The following BAHCC1 variants were observed in gnomAD, a reference collection of about 807,000 sequenced individuals.
BAHCC1 encodes the protein BAH and coiled-coil domain-containing protein 1.
Under a neutral mutation model 88.2 loss-of-function variants are expected in BAHCC1, and 43 were observed. The observed-to-expected ratio is 0.49, with a 90% CI of 0.38 to 0.63. BAHCC1 has a LOEUF of 0.63. BAHCC1 is among the 20% of genes least tolerant of loss of function. BAHCC1 has a pLI of 0.00. For synonymous variants in BAHCC1, 1,510 were observed against 745.5 expected (o/e 2.03, Z -16.71); for missense variants, 3,023 against 1,654.8 (o/e 1.83, Z -14.34).
rs1157372415 is a variant in BAHCC1 at position 81,458,168 on chromosome 17, C to T, written c.5045C>T (p.Ala1682Val). The T allele has an allele frequency of 2.8e-6, 2 of 717,936 alleles. No individual in the cohort carries two copies. Among genetic ancestry groups the T allele is most frequent in the Non-Finnish European group, 2.6e-6 (1 of 385,660 alleles). 44.5% of individuals were successfully genotyped at this position (717,936 alleles called of 1,614,324 possible). The change falls in exon 18 of 28, where the codon GCC (alanine) becomes GTC (valine). Residue 1682 changes from alanine to valine, a missense_variant. Ala to Val is a moderately conservative substitution (Grantham distance 64). Transcript: ENST00000675386. Reference sequence around the variant, plus strand: ...CGGCCTCCTCTCCTTCCCACAGGGGCCTGCCGCCTGTCCAGCCCTGAGAGT... The same window carrying T: ...CGGCCTCCTCTCCTTCCCACAGGGGTCTGCCGCCTGTCCAGCCCTGAGAGT... ...KKKERQGLLGACRLSSPESEV... is the reference protein window; with the variant it reads ...KKKERQGLLGVCRLSSPESEV...
rs1842041 is a variant in BAHCC1 at position 81,455,263 on chromosome 17, C to T, written c.4446-4C>T. ...GCCCTGCACCCACCACCCCATGCCC[C>T]CAGGGCGGTGCGGACAAGCCTGGGT... On this transcript the variant is annotated splice_region_variant and splice_polypyrimidine_tract_variant and intron_variant, in intron 14 of 27. Coordinates refer to ENST00000675386, the MANE Select transcript of BAHCC1 (RefSeq NM_001377448.1). 0.36 allele frequency: 258,524 copies of T among 714,476 alleles called. 48,616 individuals are homozygous for T. Among genetic ancestry groups the T allele is most frequent in the Non-Finnish European group, 0.39 (148,433 of 384,874 alleles). The allele number at this position is 714,476 out of a possible 1,614,324, so 44.3% of individuals were successfully genotyped here. A position where few individuals can be genotyped will look rare whatever the true frequency, so the allele number is the denominator to read the frequency against.
chr17:81,441,214 G>A (rs781949799), intron 4 of BAHCC1, among the ~76,000 whole-genome samples: 5 of 152,158 alleles, frequency 3.3e-5, no homozygotes, highest in Admixed American at 1.3e-4. Context: ...AGTGTTTCAC[G>A]GGGACAGAAC....
In BAHCC1 at chr17:81,443,191, G is replaced by A. The variant is rs1555653207; in HGVS notation, c.1842G>A (p.Gln614=). 2.6e-6 allele frequency: 2 copies of A among 779,152 alleles called. No individual in the cohort carries two copies. The highest frequency in any genetic ancestry group is 3.4e-5 in the African/African-American group (2 of 59,160). The allele number at this position is 779,152 out of a possible 1,614,324, so 48.3% of individuals were successfully genotyped here. Residue 614 remains glutamine, a synonymous_variant, in exon 5 of 28, where the codon CAG becomes CAA. Coordinates refer to ENST00000675386, the MANE Select transcript of BAHCC1 (RefSeq NM_001377448.1). ...TGGACCCCTTTGGCAGTGGCCTGCAGCAGGCGGCTCTTCTGCCCCAGGAAC... is the reference window on the plus strand; with the variant it reads ...TGGACCCCTTTGGCAGTGGCCTGCAACAGGCGGCTCTTCTGCCCCAGGAAC... ...AYLDPFGSGL[Q]QAALLPQELP...
At chr17:81,452,324 G>A (rs574342946) in intron 13 of BAHCC1, among the ~76,000 whole-genome samples, 5 of 152,306 alleles carry the variant, frequency 3.3e-5, no homozygotes, top group East Asian at 3.9e-4. Flanking sequence ...GCAGGGCCAG[G>A]GGTCTGTGGA....
At chr17:81,462,371 G>A (rs1023777926) in intron 26 of BAHCC1, among the ~76,000 whole-genome samples, 4 of 152,202 alleles carry the variant, frequency 2.6e-5, no homozygotes, top group East Asian at 1.9e-4. Flanking sequence ...GTGTATCCCC[G>A]CACTCAGATG....
chr17:81,455,951 C>T (rs900807394), intron 15 of BAHCC1, among the ~76,000 whole-genome samples: 4 of 152,316 alleles, frequency 2.6e-5, no homozygotes, highest in South Asian at 2.1e-4. Flanking sequence ...CCTGTCTGCC[C>T]AGGGGGCTGA....
At chr17:81,463,576 G>T in intron 27 of BAHCC1, 35 bp from the exon 28 acceptor site, 1 of 777,350 alleles carries the variant, frequency 1.3e-6, no homozygotes. Flanking sequence ...ACTGGCCAAG[G>T]CCGGCCACTG....
intron 2 of BAHCC1, among the ~76,000 whole-genome samples, chr17:81,413,647 G>C (rs1318108093): frequency 2.6e-5 from 4 of 152,218 alleles, no homozygotes; most frequent in African/African-American, 4.8e-5. Flanking sequence ...CAGCCACAAG[G>C]CCGCGGGGGC....
chr17:81,414,625 A>G (rs1485041417), intron 2 of BAHCC1, among the ~76,000 whole-genome samples: 2 of 152,174 alleles, frequency 1.3e-5, no homozygotes, highest in African/African-American at 4.8e-5. Context: ...AGTAAGATGA[A>G]TAAGATGAAC....
rs186021893 is a variant in BAHCC1 at position 81,458,875 on chromosome 17, C to G, written c.5511C>G (p.Phe1837Leu). 3.9e-6 allele frequency: 3 copies of G among 774,008 alleles called. No homozygotes were observed. The highest frequency in any genetic ancestry group is 1.7e-5 in the African/African-American group (1 of 59,162). The allele number at this position is 774,008 out of a possible 1,614,324, so 47.9% of individuals were successfully genotyped here. Reference sequence around the variant, plus strand: ...TCGCCGTGGAGGAAGACTTTGAGTTCGACGACAACAGCAGCTTCTCGGAAG... The same window carrying G: ...TCGCCGTGGAGGAAGACTTTGAGTTGGACGACAACAGCAGCTTCTCGGAAG... ...ESFAVEEDFE[F>L]DDNSSFSEEE... Residue 1837 changes from phenylalanine (F) to leucine (L), a missense_variant, in exon 20 of 28, where the codon TTC (phenylalanine) becomes TTG (leucine). Coordinates refer to ENST00000675386, the MANE Select transcript of BAHCC1 (RefSeq NM_001377448.1).
chr17:81,418,229 G>A (rs2064060070), intron 2 of BAHCC1, among the ~76,000 whole-genome samples: 2 of 152,232 alleles, frequency 1.3e-5, no homozygotes, highest in Admixed American at 6.5e-5. Flanking sequence ...AATCTGGACA[G>A]TTTGCGGGCC....
Position 81,458,181 on chromosome 17 carries a change from C to G in BAHCC1, c.5058C>G (p.Ser1686=), listed in dbSNP as rs1555657880. 1 of 721,374 alleles carries G rather than the reference C, an allele frequency of 1.4e-6. No homozygotes were observed. Among genetic ancestry groups the G allele is most frequent in the South Asian group, 1.5e-5 (1 of 67,864 alleles). The allele number at this position is 721,374 out of a possible 1,614,324, so 44.7% of individuals were successfully genotyped here. ...TTCCCACAGGGGCCTGCCGCCTGTC[C>G]AGCCCTGAGAGTGAGGTCAAGATCA... The part of the protein sequence containing the change: ...RQGLLGACRL[S]SPESEVKIKR... The change falls in exon 18 of 28, where the codon TCC becomes TCG. Residue 1686 remains serine, a synonymous_variant. Transcript: ENST00000675386.
chr17:81,460,876 A>G lies in BAHCC1; in HGVS notation c.6213A>G (p.Glu2071=). Residue 2071 remains glutamate (E), a synonymous_variant, in exon 26 of 28, where the codon GAA becomes GAG. Coordinates refer to ENST00000675386, the MANE Select transcript of BAHCC1 (RefSeq NM_001377448.1). ...GGCTTTTGCCCTCAGGTAAAGCCGA[A>G]CTCCTAACCTCAGGTGCCAAATCCC... is the stretch of plus-strand genomic sequence containing the variant. ...SISKDKAGKA[E]LLTSGAKSPT... The G allele has an allele frequency of 1.3e-6, 1 of 766,522 alleles. No individual in the cohort carries two copies. The highest frequency in any genetic ancestry group is 2.4e-6 in the Non-Finnish European group (1 of 417,864). The allele number at this position is 766,522 out of a possible 1,614,324, so 47.5% of individuals were successfully genotyped here. A position where few individuals can be genotyped will look rare whatever the true frequency, so the allele number is the denominator to read the frequency against.
chr17:81,403,449 C>T (rs1555646391), intron 2 of BAHCC1, among the ~76,000 whole-genome samples: 1 of 150,294 alleles, frequency 6.7e-6, no homozygotes, highest in Non-Finnish European at 1.5e-5. Flanking sequence ...CTACTTCTTT[C>T]CTGCTGAAAA....
chr17:81,437,301 A>AGGCCGG (rs1261568058), intron 3 of BAHCC1, among the ~76,000 whole-genome samples: 5 of 152,220 alleles, frequency 3.3e-5, no homozygotes, highest in Non-Finnish European at 5.9e-5. Flanking sequence ...CTGCTAAGGC[A>AGGCCGG]GGCCGGCCGG....
At position 81,406,025 on chromosome 17, in the gene BAHCC1, G is replaced by A. The variant is rs559249595; in HGVS notation, c.178+6108G>A. On this transcript the variant is annotated intron_variant, in intron 2 of 27. Coordinates refer to ENST00000675386, the MANE Select transcript of BAHCC1 (RefSeq NM_001377448.1). ...CCAGCCTCTGCCTAGGGAGTCCCTC[G>A]AGAAAATACCGCCCAGCCTTTGGGG... Among the ~76,000 whole-genome samples, 15 of 152,282 alleles carry A rather than the reference G, an allele frequency of 9.9e-5. No individual in the cohort carries two copies. In the South Asian group the frequency reaches 2.1e-3, roughly 21 times the overall value.
intron 11 of BAHCC1, among the ~76,000 whole-genome samples, chr17:81,448,400 G>A (rs1308946254): frequency 1.3e-5 from 2 of 152,144 alleles, no homozygotes; most frequent in Non-Finnish European, 2.9e-5. Flanking sequence ...GACAACAGTG[G>A]GCGGGTCCAG....
intron 3 of BAHCC1, among the ~76,000 whole-genome samples, chr17:81,433,075 C>A (rs2064288071): frequency 6.6e-6 from 1 of 151,116 alleles, no homozygotes; most frequent in Admixed American, 6.6e-5. Context: ...CTGGCCCGGC[C>A]CGCCCCTGAG....
chr17:81,446,442 C>G (rs973807041), intron 10 of BAHCC1, among the ~76,000 whole-genome samples: 2 of 151,724 alleles, frequency 1.3e-5, no homozygotes, highest in Non-Finnish European at 2.9e-5. Flanking sequence ...GAGGCCACCC[C>G]CAGCCCCGGC....
Sources: gnomAD v4.1 joint callset for allele counts (sites outside exome capture counted in the v4.1 genomes callset) on GRCh38, gnomAD v4.1.1 for gene constraint, MANE v1.5 for transcripts, NCBI Gene and HGNC (gene_info 2026-07-23, HGNC 2026-07-21) for gene names.